The following DNAH17 variants were observed in gnomAD, a reference collection of about 807,000 sequenced individuals.
The protein encoded by DNAH17 is dynein axonemal heavy chain 17.
A neutral mutation model predicts 485.6 loss-of-function variants in DNAH17; 376 were observed. That is an observed-to-expected ratio of 0.77 (90% confidence interval 0.71 to 0.84). The LOEUF (loss-of-function observed/expected upper bound fraction) is 0.84. Among genes scored for constraint, DNAH17 ranks in the 40% least tolerant of loss-of-function variants. The pLI, the probability that DNAH17 is intolerant of heterozygous loss-of-function variation, is 0.00. For missense variants in DNAH17, 6,370 were observed against 5,839.3 expected, an observed-to-expected ratio of 1.09 and a Z score of -2.96; for synonymous variants, 3,031 against 2,405.9, an observed-to-expected ratio of 1.26 and a Z score of -7.60.
chr17:78,457,276 CAGA>C (rs2087849248), intron 62 of DNAH17, among the ~76,000 whole-genome samples: 1 of 152,220 alleles, frequency 6.6e-6, no homozygotes, highest in African/African-American at 2.4e-5. Context: ...GAGACTGAGG[CAGA>C]AGAACTACTT....
intron 13 of DNAH17, among the ~76,000 whole-genome samples, chr17:78,559,205 T>TCC: frequency 6.6e-6 from 1 of 152,280 alleles, no homozygotes; most frequent in East Asian, 1.9e-4. Context: ...TGTGGGTGGC[T>TCC]CCCACGTTTA....
At chr17:78,551,448 T>G in intron 16 of DNAH17, 87 bp downstream of exon 16, 3 of 1,249,600 alleles carry the variant, frequency 2.4e-6, no homozygotes. Context: ...TCGCAGCACT[T>G]TCCATGGGCC....
chr17:78,510,254 A>G, intron 27 of DNAH17, 130 bp downstream of exon 27: 1 of 1,355,328 alleles, frequency 7.4e-7, no homozygotes, highest in Non-Finnish European at 1.0e-6. Context: ...CAGGTTGGGT[A>G]AGAAAGGCCC....
intron 48 of DNAH17, among the ~76,000 whole-genome samples, chr17:78,481,529 G>T (rs780275239): frequency 6.6e-6 from 1 of 152,204 alleles, no homozygotes; most frequent in Non-Finnish European, 1.5e-5. Flanking sequence ...CCCCTAAGCA[G>T]TGCTGGGGCT....
In DNAH17 at chr17:78,551,520, C is replaced by G. The variant is rs780210147; in HGVS notation, c.2391+15G>C. 1.9e-6 allele frequency: 3 copies of G among 1,612,510 alleles called. No homozygotes were observed. In the South Asian group the frequency reaches 3.3e-5, roughly 18 times the overall value. The stretch of plus-strand genomic sequence containing the variant: ...CCCCCACAAAGCCCCACTCTGTGCT[C>G]TGCCCCTTGCTTACCTTCATAGCCT... On this transcript the variant is annotated intron_variant, in intron 16 of 80. Transcript: ENST00000389840.
chr17:78,573,307 G>A (rs909455029), intron 2 of DNAH17, among the ~76,000 whole-genome samples: 2 of 152,140 alleles, frequency 1.3e-5, no homozygotes, highest in Admixed American at 1.3e-4. Context: ...CTTTAAAGAG[G>A]TGAGTAAGGG....
chr17:78,495,734 G>A (rs983080746), intron 38 of DNAH17, 141 bp downstream of exon 38: 25 of 1,017,028 alleles, frequency 2.5e-5, no homozygotes, highest in African/African-American at 1.8e-4. Flanking sequence ...TACTGTGCCC[G>A]GCCATCTTGG....
chr17:78,477,661 AC>A (rs1340614805), intron 51 of DNAH17, among the ~76,000 whole-genome samples: 2 of 152,102 alleles, frequency 1.3e-5, no homozygotes, highest in African/African-American at 4.8e-5. Context: ...ACAGGCATGA[AC>A]CACTGCACCC....
rs374421441 is a variant in DNAH17 at position 78,425,529 on chromosome 17, C to T, written c.12958G>A (p.Val4320Met). Residue 4320 changes from valine (V) to methionine (M), a missense_variant, in exon 80 of 81, where the codon GTG (valine) becomes ATG (methionine). Coordinates refer to ENST00000389840, the MANE Select transcript of DNAH17 (RefSeq NM_173628.4). ...WTTDFALPTT[V>M]WLAGFFNPQS... Reference sequence around the variant, plus strand: ...GGGTTGAAGAAGCCGGCCAGCCACACGGTGGTGGGCAGGGCAAAGTCTGTC... The same window carrying T: ...GGGTTGAAGAAGCCGGCCAGCCACATGGTGGTGGGCAGGGCAAAGTCTGTC... The T allele has an allele frequency of 2.9e-5, 47 of 1,613,622 alleles. No homozygotes were observed. The highest frequency in any genetic ancestry group is 1.1e-4 in the African/African-American group (8 of 75,030).
chr17:78,538,409 A>G lies in DNAH17; in HGVS notation c.2677-928T>C, dbSNP rs1009769361. 4.3e-4 allele frequency among the ~76,000 whole-genome samples: 66 copies of G among 152,292 alleles called. 1 individual carries two copies. The highest frequency in any genetic ancestry group is 1.5e-3 in the African/African-American group (61 of 41,572). Reference sequence around the variant, plus strand: ...ACTAACGATTCTCAAAATGTGGGCCAGGATCCACCAGGCTGTGAGATCACA... The same window carrying G: ...ACTAACGATTCTCAAAATGTGGGCCGGGATCCACCAGGCTGTGAGATCACA... On this transcript the variant is annotated intron_variant, in intron 18 of 80. Coordinates refer to ENST00000389840, the MANE Select transcript of DNAH17 (RefSeq NM_173628.4).
intron 54 of DNAH17, among the ~76,000 whole-genome samples, chr17:78,473,668 CGCTG>C (rs1568109009): frequency 6.6e-5 from 10 of 151,924 alleles, no homozygotes; most frequent in African/African-American, 2.4e-4. Flanking sequence ...AAAATAGTAC[CGCTG>C]AGGCTGAGGC....
rs1430045507 is a variant in DNAH17, at chr17:78,558,131, G to A, written c.2155C>T (p.Leu719Phe). ...ACCTCATTATACCAGCCAACGATGA[G>A]CTCCAGGTTGCCCACAAACTTCCGG... ...TFRKFVGNLE[L>F]IVGWYNEIKT... Residue 719 changes from leucine to phenylalanine, a missense_variant, in exon 14 of 81, where the codon CTC (leucine) becomes TTC (phenylalanine). Coordinates refer to ENST00000389840, the MANE Select transcript of DNAH17 (RefSeq NM_173628.4). 6.2e-7 allele frequency: 1 copy of A among 1,613,722 alleles called. No homozygotes were observed. Among genetic ancestry groups the A allele is most frequent in the Non-Finnish European group, 8.5e-7 (1 of 1,179,784 alleles).
At chr17:78,472,904 G>T in intron 54 of DNAH17, 1 of 320,686 alleles carries the variant, frequency 3.1e-6, no homozygotes, top group Non-Finnish European at 6.4e-6. Flanking sequence ...ACCACATCCT[G>T]CCCGCTCTAT....
At chr17:78,546,983 C>T (rs1043125357) in intron 16 of DNAH17, among the ~76,000 whole-genome samples, 10 of 152,124 alleles carry the variant, frequency 6.6e-5, no homozygotes, top group African/African-American at 2.2e-4. Context: ...TTCCCTGCCC[C>T]AACTTTTTTC....
rs151036447 is a variant in DNAH17 at position 78,467,583 on chromosome 17, C to A, written c.8779-767G>T. On this transcript the variant is annotated intron_variant, in intron 55 of 80. Coordinates refer to ENST00000389840, the MANE Select transcript of DNAH17 (RefSeq NM_173628.4). The stretch of plus-strand genomic sequence containing the variant: ...AGGGAGGACCCTGCTCTGTTTGAGT[C>A]AAGCAGGGGAAAACGATGGCCGGCA... 9.9e-4 allele frequency among the ~76,000 whole-genome samples: 151 copies of A among 152,254 alleles called. 3 individuals carry two copies. The East Asian group carries it at 0.026, about 26-fold the overall frequency.
chr17:78,445,505 G>T (rs1251363218), intron 70 of DNAH17, 53 bp downstream of exon 70: 6 of 1,543,512 alleles, frequency 3.9e-6, no homozygotes, highest in Non-Finnish European at 5.3e-6. Context: ...ATCAGCTGGA[G>T]GGGGCTCCAC....
At chr17:78,454,371 T>C in intron 64 of DNAH17, 99 bp downstream of exon 64, 1 of 880,154 alleles carries the variant, frequency 1.1e-6, no homozygotes, top group Admixed American at 2.5e-5. Flanking sequence ...CTAGTACTTG[T>C]ATTGAAAGAC....
Position 78,529,460 on chromosome 17 carries a change from C to T in DNAH17, c.3507+12G>A, listed in dbSNP as rs1386989346. 2.4e-5 allele frequency: 39 copies of T among 1,613,294 alleles called. No individual in the cohort carries two copies. The highest frequency in any genetic ancestry group is 2.7e-5 in the Non-Finnish European group (32 of 1,179,428). On this transcript the variant is annotated intron_variant, in intron 22 of 80. Transcript: ENST00000389840. ...GCTCACCTGGACGCAGCCACACCCA[C>T]CCACCACGTACCTGCAGCTTCAAGT...
At chr17:78,508,025 A>G (rs887543546) in intron 27 of DNAH17, among the ~76,000 whole-genome samples, 2 of 152,218 alleles carry the variant, frequency 1.3e-5, no homozygotes, top group East Asian at 3.8e-4. Context: ...ATAAGCCACT[A>G]AAGGAATGAA....
Sources: gnomAD v4.1 joint callset for allele counts (sites outside exome capture counted in the v4.1 genomes callset) on GRCh38, gnomAD v4.1.1 for gene constraint, MANE v1.5 for transcripts, NCBI Gene and HGNC (gene_info 2026-07-23, HGNC 2026-07-21) for gene names.